CACNG7: variants seen among roughly 807,000 people sequenced by gnomAD.
CACNG7 encodes the protein calcium voltage-gated channel auxiliary subunit gamma 7.
CACNG7 carries 9 observed loss-of-function variants against 26.3 expected under a neutral mutation model. That is an observed-to-expected ratio of 0.34 (90% CI 0.21 to 0.60). The LOEUF is 0.60. Ranked by LOEUF, CACNG7 falls within the 20% of genes least tolerant of loss-of-function variation. CACNG7 has a pLI of 0.81. For missense variants in CACNG7, 297 were observed against 380.4 expected (o/e 0.78, Z 1.82); for synonymous variants, 170 against 157.0 (o/e 1.08, Z -0.62).
In CACNG7 at chr19:53,940,099, A is replaced by G. The variant is rs2069128378; in HGVS notation, c.425-1371A>G. Among the ~76,000 whole-genome samples, 2 of 152,104 alleles carry G rather than the reference A, an allele frequency of 1.3e-5. No homozygotes were observed. The highest frequency in any genetic ancestry group is 6.6e-5 in the Admixed American group (1 of 15,254). ...GAAGAGGTTGATAGGGATTAGTTAG[A>G]TACATTTAAGGCAGGGAACTTTATA... On this transcript the variant is annotated intron_variant, in intron 4 of 5. Coordinates refer to ENST00000391767, the MANE Select transcript of CACNG7 (RefSeq NM_031896.5). This position sits in a 1 kb window ranked among gnomAD's most constrained non-coding sequence, Gnocchi z 4.1.
At chr19:53,921,260 CCAGGTCTGGTCATTGGTGGAGTTGCCT>C (rs1276380492) in intron 4 of CACNG7, among the ~76,000 whole-genome samples, 35 of 135,220 alleles carry the variant, frequency 2.6e-4, no homozygotes, top group African/African-American at 9.8e-4. Context: ...TGGAGTTGCC[CCAGGTCTGGTCATTGGTGGAGTTGCCT>C]CAGGTCTGGT....
chr19:53,920,149 TC>T (rs1174646630), intron 4 of CACNG7, among the ~76,000 whole-genome samples: 1 of 89,526 alleles, frequency 1.1e-5, no homozygotes, highest in Non-Finnish European at 2.1e-5. Flanking sequence ...CCAGGTCTGG[TC>T]ATTGGTGGAG....
chr19:53,912,621 C>G lies in CACNG7; in HGVS notation c.-29-182C>G. 1.8e-6 allele frequency: 1 copy of G among 554,884 alleles called. No individual in the cohort carries two copies. Among genetic ancestry groups the G allele is most frequent in the East Asian group, 3.1e-5 (1 of 32,558 alleles). 34.4% of individuals were successfully genotyped at this position (554,884 alleles called of 1,614,324 possible). A position where few individuals can be genotyped will look rare whatever the true frequency, so the allele number is the denominator to read the frequency against. ...GCCCAGCCCTGAGGCTGAGGCTCAACAGTTGGTGTCTCTGGTCAGACTCTA... is the reference window on the plus strand; with the variant it reads ...GCCCAGCCCTGAGGCTGAGGCTCAAGAGTTGGTGTCTCTGGTCAGACTCTA... On this transcript the variant is annotated intron_variant, in intron 1 of 5. Coordinates refer to ENST00000391767, the MANE Select transcript of CACNG7 (RefSeq NM_031896.5). This position sits in a 1 kb window ranked among gnomAD's most constrained non-coding sequence, Gnocchi z 4.6.
chr19:53,928,879 G>T (rs1236785577), intron 4 of CACNG7, among the ~76,000 whole-genome samples: 2 of 151,954 alleles, frequency 1.3e-5, no homozygotes, highest in Admixed American at 1.3e-4. Flanking sequence ...GGGAGGCTGA[G>T]GTTGGCGGAT....
chr19:53,931,457 T>A (rs1458599253), intron 4 of CACNG7, among the ~76,000 whole-genome samples: 1 of 151,888 alleles, frequency 6.6e-6, no homozygotes, highest in Non-Finnish European at 1.5e-5. Flanking sequence ...GAGGCCGAGC[T>A]GGGCAGACCA....
intron 4 of CACNG7, among the ~76,000 whole-genome samples, chr19:53,917,638 G>A (rs769224286): frequency 1.3e-5 from 2 of 152,110 alleles, no homozygotes. Context: ...AATAAGACAC[G>A]GAGAATATCA....
rs559246300 is a variant in CACNG7, at chr19:53,942,200, C to T, written c.735C>T (p.Asp245=). Residue 245 remains aspartate (D), a synonymous_variant, in exon 6 of 6, where the codon GAC becomes GAT. Transcript: ENST00000391767. The surrounding 1 kb of genome is among the most constrained non-coding windows in gnomAD (Gnocchi z 5.9). ...EAWRRGRSPS[D]ISSDVSIQMT... ...GGCGCCGCGGCCGGAGCCCCTCCGA[C>T]ATCTCCAGCGACGTGTCCATCCAAA... 3.7e-6 allele frequency: 6 copies of T among 1,614,048 alleles called. No individual in the cohort carries two copies. The East Asian group carries it at 1.1e-4, about 30-fold the overall frequency.
At chr19:53,918,728 C>T (rs1436557723) in intron 4 of CACNG7, among the ~76,000 whole-genome samples, 7 of 152,100 alleles carry the variant, frequency 4.6e-5, no homozygotes, top group Admixed American at 4.6e-4. Context: ...AGTAGCAGTA[C>T]GAGTAGTAAC....
chr19:53,931,788 G>A (rs1199823335), intron 4 of CACNG7, among the ~76,000 whole-genome samples: 20 of 130,566 alleles, frequency 1.5e-4, no homozygotes, highest in African/African-American at 4.9e-4. Context: ...TTGAGATGGA[G>A]TCTGGCTCTG....
At chr19:53,938,625 CA>C (rs1378675539) in intron 4 of CACNG7, among the ~76,000 whole-genome samples, 14 of 151,892 alleles carry the variant, frequency 9.2e-5, no homozygotes, top group Non-Finnish European at 1.9e-4. Context: ...TTGTAGAAAC[CA>C]AAATTTAAAA....
chr19:53,915,978 A>C (rs2068894970), intron 4 of CACNG7, among the ~76,000 whole-genome samples: 1 of 152,126 alleles, frequency 6.6e-6, no homozygotes, highest in Non-Finnish European at 1.5e-5. Flanking sequence ...TTTGTTTTAA[A>C]TTTTTTCAAA....
At chr19:53,927,635 C>T (rs2069040868) in intron 4 of CACNG7, among the ~76,000 whole-genome samples, 1 of 151,876 alleles carries the variant, frequency 6.6e-6, no homozygotes, top group Non-Finnish European at 1.5e-5. Context: ...GTTAGGAGTT[C>T]GAGACCAGAC....
At chr19:53,928,600 T>C (rs1000073509) in intron 4 of CACNG7, among the ~76,000 whole-genome samples, 2 of 151,990 alleles carry the variant, frequency 1.3e-5, no homozygotes, top group African/African-American at 4.8e-5. Context: ...AGAGCTGTAA[T>C]GTGAAACTTG....
At chr19:53,931,707 A>G (rs921673007) in intron 4 of CACNG7, among the ~76,000 whole-genome samples, 6 of 148,282 alleles carry the variant, frequency 4.0e-5, no homozygotes, top group Non-Finnish European at 5.9e-5. Context: ...AAAAAAAAAA[A>G]AGAAAGGAAA....
chr19:53,933,648 G>A (rs191952083), intron 4 of CACNG7, among the ~76,000 whole-genome samples: 50 of 151,718 alleles, frequency 3.3e-4, no homozygotes, highest in South Asian at 6.2e-4. Flanking sequence ...AAGCTTAGAT[G>A]GATGCAGGTT....
chr19:53,923,340 C>CCTGGTCATTGGTGGAGTTGCCCCAGGT (rs1599981529), intron 4 of CACNG7, among the ~76,000 whole-genome samples: 11 of 72,158 alleles, frequency 1.5e-4, no homozygotes, highest in African/African-American at 5.6e-4. Flanking sequence ...TTGCCCCAGG[C>CCTGGTCATTGGTGGAGTTGCCCCAGGT]CTGGTCATTG....
chr19:53,924,792 T>TGGTCATTGGTGGACTTGCCTAGG (rs1568777889), intron 4 of CACNG7, among the ~76,000 whole-genome samples: 30 of 109,742 alleles, frequency 2.7e-4, no homozygotes, highest in African/African-American at 1.0e-3. Context: ...ACTTGCCTAG[T>TGGTCATTGGTGGACTTGCCTAGG]GCTGGTCATT....
intron 1 of CACNG7, among the ~76,000 whole-genome samples, chr19:53,911,544 G>C (rs544087184): frequency 1.3e-5 from 2 of 152,298 alleles, no homozygotes; most frequent in East Asian, 3.9e-4. Flanking sequence ...GGAGTGAGGA[G>C]GAATTGGAGC....
At chr19:53,929,588 C>A (rs994139120) in intron 4 of CACNG7, among the ~76,000 whole-genome samples, 3 of 152,134 alleles carry the variant, frequency 2.0e-5, no homozygotes, top group Non-Finnish European at 4.4e-5. Context: ...TCCCGAGTAG[C>A]TGGGATTACA....
Sources: gnomAD v4.1 joint callset for allele counts (sites outside exome capture counted in the v4.1 genomes callset) on GRCh38, gnomAD v4.1.1 for gene constraint, Gnocchi (gnomAD v3.1) non-coding constraint, MANE v1.5 for transcripts, NCBI Gene and HGNC (gene_info 2026-07-23, HGNC 2026-07-21) for gene names.